IL7: variants seen among roughly 807,000 people sequenced by gnomAD.
The protein encoded by IL7 is interleukin-7.
A neutral mutation model predicts 21.6 loss-of-function variants in IL7; 3 were observed. That is an observed-to-expected ratio of 0.14 (90% CI 0.06 to 0.36). The LOEUF (loss-of-function observed/expected upper bound fraction) is 0.36. IL7 is among the 10% of genes least tolerant of loss of function. The pLI is 1.00. For missense variants in IL7, 175 were observed against 200.2 expected, an observed-to-expected ratio of 0.87 and a Z score of 0.76; for synonymous variants, 62 against 68.1, an observed-to-expected ratio of 0.91 and a Z score of 0.44.
chr8:78,733,027 ATTTATT>A lies in IL7; in HGVS notation c.*680_*685del, dbSNP rs1811462335. On this transcript the variant is annotated 3_prime_UTR_variant, in exon 6 of 6. Coordinates refer to ENST00000263851, the MANE Select transcript of IL7 (RefSeq NM_000880.4). The stretch of plus-strand genomic sequence containing the variant: ...GGTTTAGCATCCTTAGACTAGGTGA[ATTTATT>A]TTTATTTTATTTTATTTTTTTGAAA... The A allele has an allele frequency of 6.6e-6, 1 of 152,022 alleles. No individual in the cohort carries two copies. The highest frequency in any genetic ancestry group is 2.4e-5 in the African/African-American group (1 of 41,422). 9.4% of individuals were successfully genotyped at this position (152,022 alleles called of 1,614,324 possible). A position where few individuals can be genotyped will look rare whatever the true frequency, so the allele number is the denominator to read the frequency against.
chr8:78,735,276 C>CTTTTTTTTTTTTTTTTTTTTTTTTTT, intron 5 of IL7, among the ~76,000 whole-genome samples: 113 of 78,424 alleles, frequency 1.4e-3, no homozygotes, highest in Non-Finnish European at 1.9e-3. Context: ...CTTTTCTTTT[C>CTTTTTTTTTTTTTTTTTTTTTTTTTT]TTTTTTTTTT....
chr8:78,732,385 T>C (rs996061912), downstream of IL7, among the ~76,000 whole-genome samples: 1 of 152,054 alleles, frequency 6.6e-6, no homozygotes, highest in African/African-American at 2.4e-5. Flanking sequence ...AGGAAGGTGT[T>C]ACCAACACAC....
At position 78,760,243 on chromosome 8, in the gene IL7, T is replaced by C. The variant is rs975334415; in HGVS notation, c.148-20161A>G. The C allele has an allele frequency of 1.9e-5, 30 of 1,605,054 alleles. 1 individual carries two copies. The African/African-American group carries it at 3.6e-4, about 20-fold the overall frequency. ...ACCATTAAATCCAGGTCGTGTTTTA[T>C]ATCAAAATTTATGTTAAGCAAAGCC... On this transcript the variant is annotated intron_variant, in intron 2 of 5. Transcript: ENST00000263851.
intron 3 of IL7, chr8:78,686,728 T>C: frequency 9.1e-7 from 1 of 1,096,804 alleles, no homozygotes; most frequent in South Asian, 4.1e-5. Context: ...GCATAATCTT[T>C]AAAATTTGGT....
chr8:78,701,708 T>G (rs986971181), intron 3 of IL7, among the ~76,000 whole-genome samples: 1 of 152,214 alleles, frequency 6.6e-6, no homozygotes, highest in African/African-American at 2.4e-5. Flanking sequence ...TGAAGGGATG[T>G]TGAATTTTAT....
At chr8:78,718,645 C>CATTTTCATTAA (rs1811176454) in intron 6 of IL7, 1 of 151,768 alleles carries the variant, frequency 6.6e-6, no homozygotes, top group African/African-American at 2.4e-5. Flanking sequence ...TGTTTTAATG[C>CATTTTCATTAA]ATAATTGACT....
chr8:78,746,716 A>G (rs7832905), intron 2 of IL7, among the ~76,000 whole-genome samples: 5,638 of 152,306 alleles, frequency 0.037, 317 homozygotes, highest in African/African-American at 0.13. Context: ...CAAACTGCAT[A>G]CCTGTGAACC....
At position 78,733,816 on chromosome 8, in the gene IL7, A is replaced by G. The variant is rs1003026975; in HGVS notation, c.431T>C (p.Leu144Ser). The change falls in exon 6 of 6, where the codon TTA (leucine) becomes TCA (serine). Residue 144 changes from leucine (L) to serine (S), a missense_variant. Transcript: ENST00000263851. Reference protein sequence around the residue: ...PTKSLEENKSLKEQKKLNDLC... With the variant: ...PTKSLEENKSSKEQKKLNDLC... ...GTCATTCAGTTTTTTCTGTTCCTTT[A>G]AAGATTTATTTTCTTCCTAGAGAAT... The G allele has an allele frequency of 5.8e-6, 9 of 1,561,468 alleles. No homozygotes were observed. The highest frequency in any genetic ancestry group is 2.8e-5 in the African/African-American group (2 of 72,426).
rs1241672442 is a variant in IL7, at chr8:78,687,848, T to G, written n.215-1901A>C. Among the ~76,000 whole-genome samples, 2 of 90,104 alleles carry G rather than the reference T, an allele frequency of 2.2e-5. 1 individual carries two copies. The highest frequency in any genetic ancestry group is 5.8e-5 in the African/African-American group (2 of 34,430). The allele number at this position is 90,104 out of a possible 152,430, so 59.1% of individuals were successfully genotyped here. A position where few individuals can be genotyped will look rare whatever the true frequency, so the allele number is the denominator to read the frequency against. ...ATTCATGTAATAAATTATATATATA[T>G]TTATATAATATATATCTATATAATA... On this transcript the variant is annotated intron_variant and non_coding_transcript_variant, in intron 3 of 4. Transcript: ENST00000523959.
At chr8:78,800,739 A>T (rs536912956) in intron 1 of IL7, among the ~76,000 whole-genome samples, 102 of 152,218 alleles carry the variant, frequency 6.7e-4, no homozygotes, top group Non-Finnish European at 1.2e-3. Context: ...GTCATCTTAC[A>T]GGGGTCCAAA....
chr8:78,720,545 G>A (rs573723546), intron 5 of IL7, among the ~76,000 whole-genome samples: 1 of 151,726 alleles, frequency 6.6e-6, no homozygotes, highest in Admixed American at 6.6e-5. Context: ...TAATATTACG[G>A]CCTATTCTTT....
intron 3 of IL7, among the ~76,000 whole-genome samples, chr8:78,696,965 C>A (rs543531747): frequency 1.3e-5 from 2 of 151,976 alleles, no homozygotes; most frequent in African/African-American, 2.4e-5. Flanking sequence ...TCCGTTAGAC[C>A]TTTTTTTCTT....
intron 3 of IL7, among the ~76,000 whole-genome samples, chr8:78,687,626 G>A (rs1469776122): frequency 3.2e-5 from 4 of 123,966 alleles, no homozygotes; most frequent in Middle Eastern, 6.2e-3. Flanking sequence ...ATATATTTAC[G>A]TAATACATTA....
chr8:78,686,138 A>T (rs1809962622), intron 3 of IL7, among the ~76,000 whole-genome samples: 1 of 152,230 alleles, frequency 6.6e-6, no homozygotes, highest in South Asian at 2.1e-4. Flanking sequence ...TACTACTGTT[A>T]TAATGGCAAT....
intron 2 of IL7, among the ~76,000 whole-genome samples, chr8:78,785,829 T>C (rs1813492502): frequency 6.6e-5 from 10 of 152,228 alleles, no homozygotes. Context: ...CACTTCTCTG[T>C]TGAATTTCTA....
At chr8:78,689,927 ATGCTTTTAGCTCTTACATCTGTAAATC>A (rs1383272223) in intron 3 of IL7, among the ~76,000 whole-genome samples, 7 of 152,102 alleles carry the variant, frequency 4.6e-5, no homozygotes, top group African/African-American at 1.7e-4. Flanking sequence ...TATAAGTTTT[ATGCTTTTAGCTCTTACATCTGTAAATC>A]ACTTCAGGCT....
At chr8:78,789,602 T>C (rs989604755) in intron 2 of IL7, among the ~76,000 whole-genome samples, 2 of 152,026 alleles carry the variant, frequency 1.3e-5, no homozygotes, top group Non-Finnish European at 2.9e-5. Flanking sequence ...TCGGGACAGA[T>C]AACTCAAGCA....
chr8:78,752,612 T>C (rs544437134), intron 2 of IL7, among the ~76,000 whole-genome samples: 2 of 152,340 alleles, frequency 1.3e-5, no homozygotes, highest in East Asian at 1.9e-4. Flanking sequence ...TTTTGTTTTA[T>C]TATTATACTT....
At chr8:78,761,378 T>G in intron 2 of IL7, 2 of 1,611,442 alleles carry the variant, frequency 1.2e-6, no homozygotes, top group Non-Finnish European at 1.7e-6. Context: ...TTGGGGATAT[T>G]TCTCTAAAAG....
Sources: gnomAD v4.1 joint callset for allele counts (sites outside exome capture counted in the v4.1 genomes callset) on GRCh38, gnomAD v4.1.1 for gene constraint, MANE v1.5 for transcripts, NCBI Gene and HGNC (gene_info 2026-07-23, HGNC 2026-07-21) for gene names.